ANGPT2: variants seen among roughly 807,000 people sequenced by gnomAD.
The protein encoded by ANGPT2 is angiopoietin 2, also known as angiopoietin-2.
A neutral mutation model predicts 62.9 loss-of-function variants in ANGPT2; 28 were observed. The ratio of observed to expected loss-of-function variants is 0.44; its 90% CI spans 0.33 to 0.61. ANGPT2 has a LOEUF of 0.61. Among genes scored for constraint, ANGPT2 ranks in the 20% least tolerant of loss-of-function variants. ANGPT2 has a pLI of 0.03. For missense variants in ANGPT2, 727 were observed against 594.9 expected, an observed-to-expected ratio of 1.22 and a Z score of -2.31; for synonymous variants, 284 against 207.8, an observed-to-expected ratio of 1.37 and a Z score of -3.15.
intron 3 of ANGPT2, among the ~76,000 whole-genome samples, chr8:6,523,668 C>T (rs1817780964): frequency 6.6e-6 from 1 of 152,158 alleles, no homozygotes. Flanking sequence ...CAGCTCGCTG[C>T]AACCTCCGCC....
At chr8:6,561,604 GC>G (rs1825553243) in intron 1 of ANGPT2, among the ~76,000 whole-genome samples, 1 of 152,166 alleles carries the variant, frequency 6.6e-6, no homozygotes, top group Non-Finnish European at 1.5e-5. Flanking sequence ...ACTTTACATA[GC>G]TTTAGATAAT....
intron 6 of ANGPT2, among the ~76,000 whole-genome samples, chr8:6,514,236 C>G (rs1303236173): frequency 6.6e-6 from 1 of 152,188 alleles, no homozygotes; most frequent in African/African-American, 2.4e-5. Context: ...GTTGCCCAGG[C>G]TGGAGTGCAG....
chr8:6,507,200 A>G (rs1030361325), intron 8 of ANGPT2, among the ~76,000 whole-genome samples: 1 of 152,090 alleles, frequency 6.6e-6, no homozygotes, highest in Non-Finnish European at 1.5e-5. Flanking sequence ...GCCCAGCCCT[A>G]TTAATGATTC....
chr8:6,515,086 C>T (rs948436558), intron 5 of ANGPT2, among the ~76,000 whole-genome samples: 3 of 152,074 alleles, frequency 2.0e-5, no homozygotes, highest in African/African-American at 7.2e-5. Context: ...CCAGAGATTG[C>T]TGTTTTTTTA....
At chr8:6,558,104 C>T (rs1586615659) in intron 1 of ANGPT2, among the ~76,000 whole-genome samples, 1 of 152,262 alleles carries the variant, frequency 6.6e-6, no homozygotes, top group East Asian at 1.9e-4. Flanking sequence ...TCCTTCCAAC[C>T]TCTCGTCATG....
intron 7 of ANGPT2, among the ~76,000 whole-genome samples, chr8:6,512,408 A>G (rs767119806): frequency 5.3e-5 from 8 of 152,110 alleles, no homozygotes; most frequent in Non-Finnish European, 1.0e-4. Context: ...TGAGATGAAG[A>G]CGAGACTGTA....
chr8:6,514,201 C>G (rs1275414615), intron 6 of ANGPT2, among the ~76,000 whole-genome samples: 1 of 152,028 alleles, frequency 6.6e-6, no homozygotes, highest in Admixed American at 6.6e-5. Context: ...TAGTGGCAGC[C>G]TTGTTTATTT....
chr8:6,518,265 A>T (rs1203090028), intron 5 of ANGPT2, among the ~76,000 whole-genome samples: 1 of 152,166 alleles, frequency 6.6e-6, no homozygotes, highest in Non-Finnish European at 1.5e-5. Flanking sequence ...GGCCAAGAAC[A>T]CGCCAACATC....
intron 1 of ANGPT2, among the ~76,000 whole-genome samples, chr8:6,534,864 A>G (rs1456877452): frequency 6.6e-6 from 1 of 152,166 alleles, no homozygotes; most frequent in East Asian, 1.9e-4. Flanking sequence ...AAACTATTTA[A>G]AAGAAGCCAT....
In ANGPT2 at chr8:6,526,257, T is replaced by TAAA. The variant is rs35519559; in HGVS notation, c.566+1295_566+1297dup. ...CAATATGGCAAAACCTTGCCTCTAC[T>TAAA]AAAAAAAAAAAAAAAAAAAAAAAAA... On this transcript the variant is annotated intron_variant, in intron 3 of 8. Coordinates refer to ENST00000629816, the MANE Select transcript of ANGPT2 (RefSeq NM_001118887.2). 1.8e-3 allele frequency among the ~76,000 whole-genome samples: 139 copies of TAAA among 77,488 alleles called. 9 individuals are homozygous for TAAA. Among genetic ancestry groups the TAAA allele is most frequent in the Middle Eastern group, 0.016 (2 of 124 alleles). 50.8% of individuals were successfully genotyped at this position (77,488 alleles called of 152,430 possible). A position where few individuals can be genotyped will look rare whatever the true frequency, so the allele number is the denominator to read the frequency against.
intron 1 of ANGPT2, among the ~76,000 whole-genome samples, chr8:6,559,292 C>T (rs558968689): frequency 6.6e-5 from 10 of 151,048 alleles, no homozygotes; most frequent in South Asian, 2.1e-4. Context: ...GTGGGGCTAG[C>T]GGGCTGGGTT....
intron 8 of ANGPT2, among the ~76,000 whole-genome samples, chr8:6,504,833 T>C (rs1304723987): frequency 6.6e-6 from 1 of 152,138 alleles, no homozygotes; most frequent in Non-Finnish European, 1.5e-5. Context: ...GGAAAAAATA[T>C]ACACATAGGG....
In ANGPT2 at chr8:6,499,788, C is replaced by T. The variant is rs1293541862; in HGVS notation, c.*3313G>A. On this transcript the variant is annotated 3_prime_UTR_variant, in exon 9 of 9. Transcript: ENST00000629816. The stretch of plus-strand genomic sequence containing the variant: ...TTTTTGCTGTGTCTTCAAAGTGATT[C>T]TTGGTTTATTGCCTGCTAAGGCTAA... 3.4e-6 allele frequency: 5 copies of T among 1,456,802 alleles called. No individual in the cohort carries two copies. The highest frequency in any genetic ancestry group is 4.8e-6 in the Non-Finnish European group (5 of 1,039,554). The allele number at this position is 1,456,802 out of a possible 1,614,324, so 90.2% of individuals were successfully genotyped here. A position where few individuals can be genotyped will look rare whatever the true frequency, so the allele number is the denominator to read the frequency against.
At chr8:6,505,739 AT>A (rs1563308254) in intron 8 of ANGPT2, among the ~76,000 whole-genome samples, 2 of 134,398 alleles carry the variant, frequency 1.5e-5, no homozygotes, top group African/African-American at 2.7e-5. Context: ...TTCTATATAT[AT>A]TCTTTATATA....
intron 5 of ANGPT2, among the ~76,000 whole-genome samples, chr8:6,515,517 C>G (rs1308010791): frequency 1.3e-5 from 2 of 152,210 alleles, no homozygotes; most frequent in Non-Finnish European, 2.9e-5. Context: ...TAAACTGGCT[C>G]TGTGGGTTTA....
intron 1 of ANGPT2, among the ~76,000 whole-genome samples, chr8:6,536,892 C>T (rs533120276): frequency 6.6e-6 from 1 of 150,716 alleles, no homozygotes; most frequent in East Asian, 2.0e-4. Flanking sequence ...TTTTTACTGG[C>T]TGTGACTGAA....
chr8:6,503,157 C>G lies in ANGPT2; in HGVS notation c.1432G>C (p.Gly478Arg), dbSNP rs574041878. Residue 478 changes from glycine to arginine, a missense_variant, in exon 9 of 9, where the codon GGC becomes CGC. Gly to Arg is a moderately radical substitution (Grantham distance 125, BLOSUM62 -2). Coordinates refer to ENST00000629816, the MANE Select transcript of ANGPT2 (RefSeq NM_001118887.2). ...GTGGCCTTGAGCGAATAGCCTGAGC[C>G]TTTCCAGTAGTACCATTTAATGCCG... Reference protein sequence around the residue: ...FNGIKWYYWKGSGYSLKATTM... With the variant: ...FNGIKWYYWKRSGYSLKATTM... 10 of 1,614,176 alleles carry G rather than the reference C, an allele frequency of 6.2e-6. No individual in the cohort carries two copies. In the Admixed American group the frequency reaches 8.3e-5, roughly 13 times the overall value.
At chr8:6,532,585 A>AG in intron 1 of ANGPT2, 98 bp from the exon 2 acceptor site, 1 of 891,478 alleles carries the variant, frequency 1.1e-6, no homozygotes, top group Non-Finnish European at 1.6e-6. Flanking sequence ...AAAAAAAAAA[A>AG]AAAAAAATCT....
chr8:6,513,738 C>T lies in ANGPT2; in HGVS notation c.1136G>A (p.Gly379Glu). 6.2e-7 allele frequency: 1 copy of T among 1,613,926 alleles called. No homozygotes were observed. The highest frequency in any genetic ancestry group is 2.2e-5 in the East Asian group (1 of 44,872). ...TTCATACAATGAGTAAGCCTCATTCCCTTCCCAGTCTTTAAGGTGTATTTT... is the reference window on the plus strand; with the variant it reads ...TTCATACAATGAGTAAGCCTCATTCTCTTCCCAGTCTTTAAGGTGTATTTT... ...VLKIHLKDWEGNEAYSLYEHF... is the reference protein window; with the variant it reads ...VLKIHLKDWEENEAYSLYEHF... Residue 379 changes from glycine (G) to glutamate (E), a missense_variant, in exon 7 of 9, where the codon GGG becomes GAG. Physicochemically the swap from Gly to Glu is moderately conservative, Grantham distance 98 (BLOSUM62 -2). Coordinates refer to ENST00000629816, the MANE Select transcript of ANGPT2 (RefSeq NM_001118887.2).
Sources: allele counts gnomAD v4.1 joint callset (sites outside exome capture counted in the v4.1 genomes callset), GRCh38; gene constraint gnomAD v4.1.1; transcripts MANE v1.5; gene names NCBI Gene and HGNC (gene_info 2026-07-23, HGNC 2026-07-21).